SUGCT: variants seen among roughly 807,000 people sequenced by gnomAD.
SUGCT encodes the protein succinyl-CoA:glutarate-CoA transferase, also known as succinyl-CoA:glutarate CoA-transferase.
A neutral mutation model predicts 55.0 loss-of-function variants in SUGCT; 41 were observed. The ratio of observed to expected loss-of-function variants is 0.74; its 90% confidence interval spans 0.58 to 0.97. The LOEUF (loss-of-function observed/expected upper bound fraction) is 0.97, where lower values mean the gene tolerates loss of function less well. Among genes scored for constraint, SUGCT ranks in the 50% least tolerant of loss-of-function variants. The probability of loss-of-function intolerance (pLI) is 0.00; values close to 1 mark genes in which losing one functional copy is unlikely to be tolerated. For missense variants in SUGCT, 568 were observed against 547.8 expected (o/e 1.04, Z -0.37); for synonymous variants, 187 against 200.4 (o/e 0.93, Z 0.56).
intron 12 of SUGCT, among the ~76,000 whole-genome samples, chr7:40,738,255 A>G (rs1787283105): frequency 6.6e-6 from 1 of 151,752 alleles, no homozygotes; most frequent in Non-Finnish European, 1.5e-5. Flanking sequence ...TCTTCAAACT[A>G]GTAAATGTGA....
chr7:40,233,920 C>T (rs1446561510), intron 6 of SUGCT, among the ~76,000 whole-genome samples: 1 of 152,122 alleles, frequency 6.6e-6, no homozygotes, highest in Non-Finnish European at 1.5e-5. Context: ...TAATTTGAAT[C>T]CAGATTTTTT....
chr7:40,593,595 C>T (rs1033241210), intron 12 of SUGCT, among the ~76,000 whole-genome samples: 1 of 152,106 alleles, frequency 6.6e-6, no homozygotes, highest in African/African-American at 2.4e-5. Context: ...AATCCCAGCA[C>T]TTTGGGAGGC....
chr7:40,721,865 T>C (rs1257060508), intron 12 of SUGCT, among the ~76,000 whole-genome samples: 1 of 152,202 alleles, frequency 6.6e-6, no homozygotes, highest in Non-Finnish European at 1.5e-5. Context: ...TTTACATAGC[T>C]TGAAGTTGAA....
chr7:40,554,031 A>T (rs1004884963), intron 12 of SUGCT, among the ~76,000 whole-genome samples: 1 of 152,240 alleles, frequency 6.6e-6, no homozygotes, highest in Non-Finnish European at 1.5e-5. Context: ...TGCTTAGTGC[A>T]TTGAACTCTG....
chr7:40,626,054 C>G (rs1799510365), intron 12 of SUGCT, among the ~76,000 whole-genome samples: 1 of 152,080 alleles, frequency 6.6e-6, no homozygotes, highest in African/African-American at 2.4e-5. Flanking sequence ...GAAAGTAGTA[C>G]AGCCTTTGAT....
intron 1 of SUGCT, among the ~76,000 whole-genome samples, chr7:40,157,710 T>C (rs1783965473): frequency 6.6e-6 from 1 of 152,188 alleles, no homozygotes; most frequent in Non-Finnish European, 1.5e-5. Context: ...TTGTTAGCTG[T>C]TTCATGTTAA....
rs1417123343 is a variant in SUGCT, at chr7:40,277,688, T to TATTATTATC, written c.720+3040_720+3041insCATTATTAT. 3.6e-3 allele frequency among the ~76,000 whole-genome samples: 534 copies of TATTATTATC among 149,176 alleles called. 2 individuals are homozygous for TATTATTATC. Among genetic ancestry groups the TATTATTATC allele is most frequent in the African/African-American group, 0.012 (510 of 40,932 alleles). On this transcript the variant is annotated intron_variant, in intron 8 of 13. Transcript: ENST00000335693. Reference sequence around the variant, plus strand: ...AATTTGTTCTTTTTGTTATTATTATTATTATTATTATTATTATACTTTAAG... The same window carrying TATTATTATC: ...AATTTGTTCTTTTTGTTATTATTATTATTATTATCATTATTATTATTATTATACTTTAAG...
intron 12 of SUGCT, among the ~76,000 whole-genome samples, chr7:40,530,393 G>A (rs1338150770): frequency 1.3e-5 from 2 of 152,146 alleles, no homozygotes; most frequent in Non-Finnish European, 2.9e-5. Flanking sequence ...CTGACCAACA[G>A]CAGGAAGTGT....
intron 12 of SUGCT, among the ~76,000 whole-genome samples, chr7:40,670,169 C>CAAAAAA (rs34786531): frequency 7.9e-3 from 456 of 57,726 alleles, no homozygotes; most frequent in Non-Finnish European, 0.011. Flanking sequence ...GACTCCATCT[C>CAAAAAA]AAAAAAAAAA....
the SUGCT span, among the ~76,000 whole-genome samples, chr7:41,037,503 CTTT>C: frequency 3.5e-5 from 5 of 144,418 alleles, no homozygotes; most frequent in Non-Finnish European, 6.1e-5. Context: ...TGTGCTCAGC[CTTT>C]TTTTTTTTTT....
chr7:40,678,031 A>G (rs754602830), intron 12 of SUGCT, among the ~76,000 whole-genome samples: 7 of 152,212 alleles, frequency 4.6e-5, no homozygotes, highest in Non-Finnish European at 7.3e-5. Flanking sequence ...ACCTCTCCAC[A>G]GGGCACAGCC....
intron 11 of SUGCT, among the ~76,000 whole-genome samples, chr7:40,465,160 G>A (rs1790034611): frequency 6.6e-6 from 1 of 152,186 alleles, no homozygotes; most frequent in African/African-American, 2.4e-5. Context: ...GGTTTGGAAT[G>A]ATTTGGTTAT....
At chr7:40,670,169 C>CAAAAA (rs34786531) in intron 12 of SUGCT, among the ~76,000 whole-genome samples, 198 of 58,088 alleles carry the variant, frequency 3.4e-3, no homozygotes, top group Middle Eastern at 0.013. Context: ...GACTCCATCT[C>CAAAAA]AAAAAAAAAA....
At chr7:40,349,810 C>G (rs1005017110) in intron 9 of SUGCT, among the ~76,000 whole-genome samples, 2 of 152,276 alleles carry the variant, frequency 1.3e-5, no homozygotes, top group African/African-American at 4.8e-5. Context: ...GTAGCCAGGA[C>G]TAAAGGCATA....
the SUGCT span, among the ~76,000 whole-genome samples, chr7:40,957,572 A>G: frequency 2.3e-4 from 34 of 150,806 alleles, no homozygotes; most frequent in Non-Finnish European, 4.0e-4. Flanking sequence ...AATACAGCAC[A>G]CTGATGGGTC....
chr7:40,436,089 C>T (rs771180046), intron 9 of SUGCT, among the ~76,000 whole-genome samples: 3 of 151,576 alleles, frequency 2.0e-5, no homozygotes, highest in South Asian at 2.1e-4. Flanking sequence ...ACTACAGGTG[C>T]GCGCCACCAC....
At chr7:40,183,921 C>T (rs1257527213) in intron 3 of SUGCT, among the ~76,000 whole-genome samples, 1 of 152,130 alleles carries the variant, frequency 6.6e-6, no homozygotes, top group African/African-American at 2.4e-5. Context: ...CGCCTGTAGT[C>T]CCAACATTTT....
the SUGCT span, among the ~76,000 whole-genome samples, chr7:40,902,579 CA>C: frequency 3.2e-5 from 4 of 123,776 alleles, no homozygotes; most frequent in Non-Finnish European, 1.6e-5. Context: ...GACTCCATCT[CA>C]AAAAAAAAAA....
At chr7:40,910,256 G>T in the SUGCT span, among the ~76,000 whole-genome samples, 1 of 151,788 alleles carries the variant, frequency 6.6e-6, no homozygotes, top group South Asian at 2.1e-4. Context: ...AGCTGGAGAC[G>T]GAAGACTAAG....
Sources: allele counts gnomAD v4.1 joint callset (sites outside exome capture counted in the v4.1 genomes callset), GRCh38; gene constraint gnomAD v4.1.1; transcripts MANE v1.5; gene names NCBI Gene and HGNC (gene_info 2026-07-23, HGNC 2026-07-21).